The following PCDHAC1 variants were observed in gnomAD, a reference collection of about 807,000 sequenced individuals.
PCDHAC1 encodes protocadherin alpha-C1.
Under a neutral mutation model 60.0 loss-of-function variants are expected in PCDHAC1, and 42 were observed. That is an observed-to-expected ratio of 0.70 (90% CI 0.55 to 0.90). The LOEUF (loss-of-function observed/expected upper bound fraction) is 0.90, where lower values mean the gene tolerates loss of function less well. Among genes scored for constraint, PCDHAC1 ranks in the 40% least tolerant of loss-of-function variants. PCDHAC1 has a pLI of 0.00. For missense variants in PCDHAC1, 1,160 were observed against 1,222.3 expected (o/e 0.95, Z 0.76); for synonymous variants, 468 against 499.3 (o/e 0.94, Z 0.84).
rs186453463 is a variant in PCDHAC1 at position 140,951,770 on chromosome 5, C to T, written c.2433+22445C>T. On this transcript the variant is annotated intron_variant, in intron 1 of 3. Transcript: ENST00000253807. ...ACCCTCCGCGAAATCTCATGACGTT[C>T]TTACATTGCAAAATACAATTATCCC... 1.6e-3 allele frequency among the ~76,000 whole-genome samples: 247 copies of T among 152,268 alleles called. 1 individual carries two copies. The highest frequency in any genetic ancestry group is 5.5e-3 in the African/African-American group (229 of 41,576).
rs145919251 is a variant in PCDHAC1, at chr5:140,979,502, C to T, written c.2492+495C>T. On this transcript the variant is annotated intron_variant, in intron 2 of 3. Coordinates refer to ENST00000253807, the MANE Select transcript of PCDHAC1 (RefSeq NM_018898.5). Reference sequence around the variant, plus strand: ...GTGTTCACACCTATTAGAGCCTCCTCATCTTTCCCATCTGTTGCTATCTTA... The same window carrying T: ...GTGTTCACACCTATTAGAGCCTCCTTATCTTTCCCATCTGTTGCTATCTTA... 1.1e-3 allele frequency among the ~76,000 whole-genome samples: 170 copies of T among 152,258 alleles called. 4 individuals are homozygous for T. In the East Asian group the frequency reaches 0.028, roughly 25 times the overall value.
rs782350503 is a variant in PCDHAC1, at chr5:140,927,658, C to G, written c.766C>G (p.Gln256Glu). The change falls in exon 1 of 4, where the codon CAA becomes GAA. Residue 256 changes from glutamine (Q) to glutamate (E), a missense_variant. Coordinates refer to ENST00000253807, the MANE Select transcript of PCDHAC1 (RefSeq NM_018898.5). ...CAATGGGACTGTGTTATTCCGAGTTCAAGCCTTGGATCCAGATGAAGGGTC... is the reference window on the plus strand; with the variant it reads ...CAATGGGACTGTGTTATTCCGAGTTGAAGCCTTGGATCCAGATGAAGGGTC... ...APNGTVLFRV[Q>E]ALDPDEGSNG... The G allele has an allele frequency of 6.2e-7, 1 of 1,614,094 alleles. No homozygotes were observed. The highest frequency in any genetic ancestry group is 2.2e-5 in the East Asian group (1 of 44,882).
chr5:140,990,184 A>G lies in PCDHAC1; in HGVS notation c.2581+7621A>G, dbSNP rs1230599539. 1.3e-5 allele frequency among the ~76,000 whole-genome samples: 2 copies of G among 152,158 alleles called. 1 individual carries two copies. The highest frequency in any genetic ancestry group is 2.9e-5 in the Non-Finnish European group (2 of 68,034). ...GGGTATGAAAAGGTGACTTTTAAGA[A>G]CCAAATGTGGACCCGAAAGAGAACA... is the stretch of plus-strand genomic sequence containing the variant. On this transcript the variant is annotated intron_variant, in intron 3 of 3. Transcript: ENST00000253807.
intron 1 of PCDHAC1, chr5:140,967,874 C>T: frequency 6.2e-7 from 1 of 1,614,132 alleles, no homozygotes; most frequent in Non-Finnish European, 8.5e-7. Context: ...GCTCACGGAC[C>T]TGTATAGCCC....
chr5:140,999,934 T>C (rs1236304987), intron 3 of PCDHAC1, among the ~76,000 whole-genome samples: 1 of 152,068 alleles, frequency 6.6e-6, no homozygotes, highest in Non-Finnish European at 1.5e-5. Context: ...GCTCAACTCA[T>C]TCCACCCAAA....
rs146340581 is a variant in PCDHAC1, at chr5:140,957,263, C to T, written c.2434-21686C>T. On this transcript the variant is annotated intron_variant, in intron 1 of 3. Transcript: ENST00000253807. ...TCTACCTAAAATTTAAATATGTAAG[C>T]ACTAGTCCCCCCTTACCTGCAGTTT... Among the ~76,000 whole-genome samples, 73 of 152,260 alleles carry T rather than the reference C, an allele frequency of 4.8e-4. No homozygotes were observed. In the East Asian group the frequency reaches 0.01, roughly 22 times the overall value.
At chr5:140,966,811 G>T (rs377370256) in intron 1 of PCDHAC1, 6 of 1,549,722 alleles carry the variant, frequency 3.9e-6, no homozygotes, top group African/African-American at 1.4e-5. Context: ...AGCATCCACG[G>T]CTCCGGCGGC....
At chr5:140,991,754 G>A (rs1554252407) in intron 3 of PCDHAC1, among the ~76,000 whole-genome samples, 2 of 152,034 alleles carry the variant, frequency 1.3e-5, no homozygotes, top group African/African-American at 4.8e-5. Context: ...TTTCTATCAT[G>A]CTCTTCAAAA....
intron 2 of PCDHAC1, among the ~76,000 whole-genome samples, chr5:140,981,053 A>T (rs1422870263): frequency 6.6e-6 from 1 of 152,206 alleles, no homozygotes; most frequent in Non-Finnish European, 1.5e-5. Flanking sequence ...AGATAATTCT[A>T]GAGTGTAGAC....
Position 140,941,114 on chromosome 5 carries a change from T to G in PCDHAC1, c.2433+11789T>G, listed in dbSNP as rs193134067. ...TTTCACATACTATTACTGGAAAGAT[T>G]AGTCCTTTGAAGTTCCAGCTTAATG... On this transcript the variant is annotated intron_variant, in intron 1 of 3. Coordinates refer to ENST00000253807, the MANE Select transcript of PCDHAC1 (RefSeq NM_018898.5). Among the ~76,000 whole-genome samples, 307 of 152,230 alleles carry G rather than the reference T, an allele frequency of 2.0e-3. 3 individuals carry two copies. Among genetic ancestry groups the G allele is most frequent in the African/African-American group, 7.2e-3 (299 of 41,546 alleles).
At position 140,962,458 on chromosome 5, in the gene PCDHAC1, G is replaced by A. The variant is rs535139362; in HGVS notation, c.2434-16491G>A. ...CCAAAGATGGCTTGAATCTCTTATG[G>A]CTTGAATCTCTTTGTTTATTCTAAG... On this transcript the variant is annotated intron_variant, in intron 1 of 3. Transcript: ENST00000253807. Among the ~76,000 whole-genome samples, 222 of 152,088 alleles carry A rather than the reference G, an allele frequency of 1.5e-3. 9 individuals carry two copies. In the South Asian group the frequency reaches 0.044, roughly 30 times the overall value.
At chr5:141,000,414 TATATATA>T (rs1167743190) in intron 3 of PCDHAC1, among the ~76,000 whole-genome samples, 31 of 99,528 alleles carry the variant, frequency 3.1e-4, no homozygotes, top group African/African-American at 9.8e-4. Context: ...TATATATATA[TATATATA>T]TTTTTTTTTT....
chr5:140,962,495 C>T (rs2153732507), intron 1 of PCDHAC1, among the ~76,000 whole-genome samples: 1 of 152,240 alleles, frequency 6.6e-6, no homozygotes, highest in Admixed American at 6.5e-5. Context: ...AATTTTCAGA[C>T]ACCTCAGCCA....
intron 3 of PCDHAC1, among the ~76,000 whole-genome samples, chr5:140,999,235 T>C (rs1407252981): frequency 6.6e-6 from 1 of 152,154 alleles, no homozygotes; most frequent in Non-Finnish European, 1.5e-5. Context: ...GAATAGGTGG[T>C]TAAAGTGGGA....
chr5:140,968,058 G>A lies in PCDHAC1; in HGVS notation c.2434-10891G>A, dbSNP rs532963970. On this transcript the variant is annotated intron_variant, in intron 1 of 3. Transcript: ENST00000253807. The stretch of plus-strand genomic sequence containing the variant: ...GTGAGCGGCCCACTGGACCGAGAGC[G>A]GGTGGCTGTCTACAACATCACGGTG... The A allele has an allele frequency of 1.1e-5, 18 of 1,614,088 alleles. No individual in the cohort carries two copies. The highest frequency in any genetic ancestry group is 4.0e-5 in the African/African-American group (3 of 75,026).
At chr5:140,943,501 T>C (rs1235998322) in intron 1 of PCDHAC1, among the ~76,000 whole-genome samples, 1 of 152,088 alleles carries the variant, frequency 6.6e-6, no homozygotes, top group Non-Finnish European at 1.5e-5. Flanking sequence ...GCTATCAAGG[T>C]TCATGGAAAT....
At chr5:140,988,501 A>G (rs966150033) in intron 3 of PCDHAC1, among the ~76,000 whole-genome samples, 3 of 152,164 alleles carry the variant, frequency 2.0e-5, no homozygotes, top group Non-Finnish European at 2.9e-5. Context: ...AGGAGAAGCC[A>G]TGAAGCTTAC....
chr5:140,962,023 A>G (rs565113928), intron 1 of PCDHAC1, among the ~76,000 whole-genome samples: 3 of 152,062 alleles, frequency 2.0e-5, no homozygotes, highest in African/African-American at 7.2e-5. Flanking sequence ...AGCTGGGACT[A>G]CAGGCACCCA....
intron 3 of PCDHAC1, among the ~76,000 whole-genome samples, chr5:141,002,939 A>G (rs2098103546): frequency 6.6e-6 from 1 of 152,238 alleles, no homozygotes; most frequent in Admixed American, 6.5e-5. Context: ...AACACCCTCC[A>G]GCACATGCCC....
Sources: gnomAD v4.1 joint callset for allele counts (sites outside exome capture counted in the v4.1 genomes callset) on GRCh38, gnomAD v4.1.1 for gene constraint, MANE v1.5 for transcripts, NCBI Gene and HGNC (gene_info 2026-07-23, HGNC 2026-07-21) for gene names.